DNMT3B: variants seen among roughly 807,000 people sequenced by gnomAD.
DNMT3B encodes the protein DNA (cytosine-5)-methyltransferase 3B.
In DNMT3B, 37 loss-of-function variants were observed where a neutral mutation model predicts 120.2. The observed-to-expected ratio is 0.31, with a 90% CI of 0.24 to 0.40. DNMT3B has a LOEUF of 0.40. Ranked by LOEUF, DNMT3B falls within the 10% of genes least tolerant of loss-of-function variation. The pLI, the probability that DNMT3B is intolerant of heterozygous loss-of-function variation, is 1.00. For synonymous variants in DNMT3B, 412 were observed against 442.8 expected, an observed-to-expected ratio of 0.93 and a Z score of 0.87; for missense variants, 878 against 1,137.3, an observed-to-expected ratio of 0.77 and a Z score of 3.28.
Position 32,787,346 on chromosome 20 carries a change from C to G in DNMT3B, c.549C>G (p.Ser183Arg). The change falls in exon 6 of 23, where the codon AGC (serine) becomes AGG (arginine). Residue 183 changes from serine (S) to arginine (R), a missense_variant. Ser to Arg is a moderately radical substitution (Grantham distance 110). Transcript: ENST00000328111. ...DTEDTHGTPQSSSTPYARLAQ... is the reference protein window; with the variant it reads ...DTEDTHGTPQRSSTPYARLAQ... ...AGGACACACATGGGACGCCCCAGAG[C>G]AGCAGTACCCCCTACGCCCGCCTAG... The G allele has an allele frequency of 6.2e-7, 1 of 1,614,252 alleles. No homozygotes were observed. Among genetic ancestry groups the G allele is most frequent in the Non-Finnish European group, 8.5e-7 (1 of 1,180,044 alleles).
intron 9 of DNMT3B, among the ~76,000 whole-genome samples, chr20:32,793,242 G>A (rs1980200882): frequency 6.6e-6 from 1 of 152,084 alleles, no homozygotes; most frequent in Non-Finnish European, 1.5e-5. Context: ...GCCTGTAATC[G>A]CAGCACTCTG....
In DNMT3B at chr20:32,791,656, C is replaced by T; in HGVS notation, c.869C>T (p.Ala290Val). 6.2e-7 allele frequency: 1 copy of T among 1,614,106 alleles called. No homozygotes were observed. Among genetic ancestry groups the T allele is most frequent in the East Asian group, 2.2e-5 (1 of 44,880 alleles). ...CTGTTCAGCCAGCACTTTAATTTGG[C>T]CACCTTCAATAAGCTCGTCTCCTAT... ...LGLFSQHFNL[A>V]TFNKLVSYRK... Residue 290 changes from alanine (A) to valine (V), a missense_variant, in exon 8 of 23, where the codon GCC (alanine) becomes GTC (valine). Coordinates refer to ENST00000328111, the MANE Select transcript of DNMT3B (RefSeq NM_006892.4).
intron 3 of DNMT3B, among the ~76,000 whole-genome samples, chr20:32,783,260 A>G (rs1174817366): frequency 6.6e-6 from 1 of 152,122 alleles, no homozygotes; most frequent in Non-Finnish European, 1.5e-5. Context: ...TATGGTTTTG[A>G]TGTTAGGATT....
At chr20:32,806,055 C>T (rs1276256401) in intron 21 of DNMT3B, among the ~76,000 whole-genome samples, 154 bp from the exon 22 acceptor site, 1 of 152,076 alleles carries the variant, frequency 6.6e-6, no homozygotes, top group African/African-American at 2.4e-5. Flanking sequence ...CTGCCCTCTC[C>T]CTTCCATCTT....
At chr20:32,781,915 C>A (rs1308441134) in intron 3 of DNMT3B, among the ~76,000 whole-genome samples, 1 of 152,178 alleles carries the variant, frequency 6.6e-6, no homozygotes, top group Non-Finnish European at 1.5e-5. Context: ...TCAAGTAGTG[C>A]TTGTTTTACT....
chr20:32,797,383 A>G (rs1013658454), intron 14 of DNMT3B, 84 bp downstream of exon 14: 24 of 1,347,398 alleles, frequency 1.8e-5, no homozygotes, highest in Non-Finnish European at 2.4e-5. Context: ...CTGTCTGTTG[A>G]ATGGAATCCT....
At chr20:32,765,461 C>G (rs1406044955) in intron 1 of DNMT3B, among the ~76,000 whole-genome samples, 1 of 146,576 alleles carries the variant, frequency 6.8e-6, no homozygotes, top group Non-Finnish European at 1.5e-5. Context: ...TGCTTTGTCA[C>G]CCAGGCTGGA....
intron 19 of DNMT3B, 50 bp from the exon 20 acceptor site, chr20:32,802,335 C>A: frequency 6.3e-7 from 1 of 1,596,058 alleles, no homozygotes; most frequent in Non-Finnish European, 8.6e-7. Context: ...CTGGTTGACA[C>A]TGAAACTCTA....
At position 32,793,557 on chromosome 20, in the gene DNMT3B, G is replaced by C; in HGVS notation, c.1088G>C (p.Arg363Pro). The change falls in exon 10 of 23, where the codon CGT becomes CCT. Residue 363 changes from arginine to proline, a missense_variant. Physicochemically the swap from Arg to Pro is moderately radical, Grantham distance 103. Transcript: ENST00000328111. ...TQPVVNKSKV[R>P]RAGSRKLESR... ...AAAGTGGTTAATAAGTCGAAGGTGCGTCGTGCAGGCAGTAGGAAATTAGAA... is the reference window on the plus strand; with the variant it reads ...AAAGTGGTTAATAAGTCGAAGGTGCCTCGTGCAGGCAGTAGGAAATTAGAA... 2 of 1,614,182 alleles carry C rather than the reference G, an allele frequency of 1.2e-6. No individual in the cohort carries two copies. Among genetic ancestry groups the C allele is most frequent in the Non-Finnish European group, 1.7e-6 (2 of 1,180,034 alleles).
chr20:32,807,628 A>G, intron 22 of DNMT3B, 134 bp from the exon 23 acceptor site: 1 of 1,354,810 alleles, frequency 7.4e-7, no homozygotes, highest in African/African-American at 1.4e-5. Context: ...AGGGCTCTGA[A>G]TTTAGGTCCT....
chr20:32,808,059 G>A lies in DNMT3B; in HGVS notation c.*156G>A. The A allele has an allele frequency of 7.7e-7, 1 of 1,301,880 alleles. No individual in the cohort carries two copies. Among genetic ancestry groups the A allele is most frequent in the Non-Finnish European group, 1.1e-6 (1 of 939,124 alleles). The allele number at this position is 1,301,880 out of a possible 1,614,324, so 80.6% of individuals were successfully genotyped here. ...TTGCTCAGTGGGGGCAGAGCCACCT[G>A]ACTCTTGCAGGGGTAGCCTGAGGTG... On this transcript the variant is annotated 3_prime_UTR_variant, in exon 23 of 23. Transcript: ENST00000328111.
intron 1 of DNMT3B, among the ~76,000 whole-genome samples, chr20:32,778,684 A>C (rs1293619792): frequency 6.6e-6 from 1 of 152,232 alleles, no homozygotes; most frequent in Non-Finnish European, 1.5e-5. Context: ...GGAGCCCGCA[A>C]TACAAGGTGT....
At chr20:32,784,477 C>T (rs949199649) in intron 3 of DNMT3B, among the ~76,000 whole-genome samples, 29 of 152,172 alleles carry the variant, frequency 1.9e-4, no homozygotes, top group Admixed American at 4.6e-4. Flanking sequence ...CCTAGCTGCT[C>T]GCTGCTTCAG....
chr20:32,798,586 G>A lies in DNMT3B; in HGVS notation c.1617G>A (p.Arg539=). Residue 539 remains arginine, a synonymous_variant, in exon 15 of 23, where the codon CGG becomes CGA. Transcript: ENST00000328111. ...PQRCHGVLRR[R]KDWNVRLQAF... ...GCTGTCATGGCGTCCTGCGGCGCCG[G>A]AAGGACTGGAACGTGCGCCTGCAGG... The A allele has an allele frequency of 1.9e-6, 3 of 1,614,214 alleles. 1 individual carries two copies. The East Asian group carries it at 6.7e-5, about 36-fold the overall frequency.
intron 3 of DNMT3B, among the ~76,000 whole-genome samples, 174 bp from the exon 4 acceptor site, chr20:32,784,584 G>A (rs536755244): frequency 1.3e-5 from 2 of 152,140 alleles, no homozygotes; most frequent in East Asian, 3.8e-4. Flanking sequence ...CATTGCTTCC[G>A]GGGCATCTGT....
intron 20 of DNMT3B, among the ~76,000 whole-genome samples, chr20:32,803,053 G>C (rs1229006253): frequency 6.6e-6 from 1 of 152,146 alleles, no homozygotes; most frequent in Non-Finnish European, 1.5e-5. Context: ...CCAGGCTCAT[G>C]GTGACCAACC....
chr20:32,766,736 C>T lies in DNMT3B; in HGVS notation c.-7+4037C>T, dbSNP rs182301161. ...CCGAGTAGCTGAGACTACAGGCATGCACCACCATGCCTGGCCAATTTTTGT... is the reference window on the plus strand; with the variant it reads ...CCGAGTAGCTGAGACTACAGGCATGTACCACCATGCCTGGCCAATTTTTGT... On this transcript the variant is annotated intron_variant, in intron 1 of 22. Transcript: ENST00000328111. Among the ~76,000 whole-genome samples the T allele has an allele frequency of 2.8e-3, 422 of 151,838 alleles. 1 individual carries two copies. Among genetic ancestry groups the T allele is most frequent in the Non-Finnish European group, 3.8e-3 (256 of 67,934 alleles).
chr20:32,802,304 A>G (rs531005646), intron 19 of DNMT3B, 81 bp from the exon 20 acceptor site: 2 of 1,430,912 alleles, frequency 1.4e-6, no homozygotes, highest in East Asian at 4.5e-5. Context: ...GTCAGGGAAT[A>G]GCCCTGTCAC....
chr20:32,799,600 G>A (rs139482634), intron 16 of DNMT3B, among the ~76,000 whole-genome samples: 210 of 152,222 alleles, frequency 1.4e-3, no homozygotes, highest in African/African-American at 4.6e-3. Context: ...GCTCACTGCA[G>A]CCCCCATCTC....
Sources: gnomAD v4.1 joint callset for allele counts (sites outside exome capture counted in the v4.1 genomes callset) on GRCh38, gnomAD v4.1.1 for gene constraint, MANE v1.5 for transcripts, NCBI Gene and HGNC (gene_info 2026-07-23, HGNC 2026-07-21) for gene names.